The following RELN variants were observed in gnomAD, a reference collection of about 807,000 sequenced individuals.
The protein encoded by RELN is reelin.
RELN carries 108 observed loss-of-function variants against 427.6 expected under a neutral mutation model. The observed-to-expected ratio is 0.25, with a 90% CI of 0.22 to 0.30. The LOEUF (loss-of-function observed/expected upper bound fraction) is 0.30, where lower values mean the gene tolerates loss of function less well. Among genes scored for constraint, RELN ranks in the 10% least tolerant of loss-of-function variants. RELN has a pLI of 1.00. For synonymous variants in RELN, 1,524 were observed against 1,513.4 expected (o/e 1.01, Z -0.16); for missense variants, 3,715 against 4,302.8 (o/e 0.86, Z 3.82).
intron 13 of RELN, 87 bp downstream of exon 13, chr7:103,654,006 C>G (rs914017871): frequency 1.3e-6 from 1 of 793,156 alleles, no homozygotes; most frequent in African/African-American, 1.7e-5. Context: ...GTATCTTCTG[C>G]ATCTGGAGTG....
intron 62 of RELN, 81 bp from the exon 63 acceptor site, chr7:103,483,052 T>C (rs1368205175): frequency 8.6e-6 from 9 of 1,043,946 alleles, no homozygotes; most frequent in Non-Finnish European, 1.3e-5. Flanking sequence ...ATGTCAAATA[T>C]TATAATAGGC....
intron 2 of RELN, among the ~76,000 whole-genome samples, chr7:103,842,241 AAG>A (rs998263839): frequency 7.9e-5 from 12 of 151,980 alleles, no homozygotes; most frequent in African/African-American, 2.4e-4. Flanking sequence ...GGGATATCTA[AAG>A]GCTTCCATCA....
chr7:103,660,338 A>T (rs1833112005), intron 12 of RELN, among the ~76,000 whole-genome samples: 1 of 152,210 alleles, frequency 6.6e-6, no homozygotes, highest in African/African-American at 2.4e-5. Context: ...GCCTTTAAAT[A>T]GACAAACCAG....
Position 103,629,982 on chromosome 7 carries a change from A to G in RELN, c.2660T>C (p.Leu887Pro), listed in dbSNP as rs116033707. 1 of 1,613,764 alleles carries G rather than the reference A, an allele frequency of 6.2e-7. No homozygotes were observed. The highest frequency in any genetic ancestry group is 8.5e-7 in the Non-Finnish European group (1 of 1,179,710). Residue 887 changes from leucine (L) to proline (P), a missense_variant, in exon 20 of 65, where the codon CTT becomes CCT. By Grantham distance (98) the Leu-to-Pro change is moderately conservative (BLOSUM62 -3). Coordinates refer to ENST00000428762, the MANE Select transcript of RELN (RefSeq NM_005045.4). ...VEVTQSLGFY[L>P]GNVQPYCGHD... ...GCCACAGTATGGCTGAACATTTCCA[A>G]GGTAGAATCCCAGAGACTGAGTGAC...
chr7:103,572,347 C>A, intron 30 of RELN, 87 bp from the exon 31 acceptor site: 1 of 759,616 alleles, frequency 1.3e-6, no homozygotes, highest in South Asian at 1.4e-5. Flanking sequence ...GAAAAAAACC[C>A]TCCTGTATTT....
At chr7:103,635,645 T>C (rs1392301674) in intron 18 of RELN, 59 bp from the exon 19 acceptor site, 1 of 1,463,994 alleles carries the variant, frequency 6.8e-7, no homozygotes, top group East Asian at 2.3e-5. Context: ...ATAATGTTCA[T>C]TTTGGTCTTT....
At chr7:103,836,191 C>G (rs1244900777) in intron 2 of RELN, among the ~76,000 whole-genome samples, 2 of 151,946 alleles carry the variant, frequency 1.3e-5, no homozygotes, top group Non-Finnish European at 2.9e-5. Flanking sequence ...GGTTTTGGAC[C>G]ACAAGTGATC....
chr7:103,752,309 C>G (rs150364322), intron 5 of RELN, among the ~76,000 whole-genome samples: 1 of 152,292 alleles, frequency 6.6e-6, no homozygotes, highest in African/African-American at 2.4e-5. Context: ...ATCCTAACCA[C>G]TATATACCCT....
chr7:103,557,490 A>G (rs1435558724), intron 37 of RELN, among the ~76,000 whole-genome samples: 3 of 152,216 alleles, frequency 2.0e-5, no homozygotes, highest in African/African-American at 4.8e-5. Context: ...AAACATTTAA[A>G]TCTCAGGATA....
intron 41 of RELN, among the ~76,000 whole-genome samples, chr7:103,547,036 T>C (rs1447883023): frequency 6.6e-6 from 1 of 152,236 alleles, no homozygotes; most frequent in Non-Finnish European, 1.5e-5. Context: ...TATTTTATCA[T>C]GTGTAAAACT....
intron 2 of RELN, among the ~76,000 whole-genome samples, chr7:103,874,384 C>T (rs375734352): frequency 1.6e-5 from 2 of 127,808 alleles, no homozygotes; most frequent in Non-Finnish European, 3.5e-5. Flanking sequence ...AGGAAATAAA[C>T]GGTATTCAAT....
intron 2 of RELN, among the ~76,000 whole-genome samples, chr7:103,865,039 G>A (rs768478794): frequency 2.7e-5 from 4 of 149,362 alleles, no homozygotes; most frequent in African/African-American, 9.8e-5. Context: ...GCTGAGGTAG[G>A]AGAATTGTTT....
At chr7:103,835,547 G>A (rs1016756566) in intron 2 of RELN, among the ~76,000 whole-genome samples, 3 of 152,286 alleles carry the variant, frequency 2.0e-5, no homozygotes, top group African/African-American at 7.2e-5. Context: ...TGTGTGTAGG[G>A]ATAGTGGGTG....
At position 103,594,414 on chromosome 7, in the gene RELN, C is replaced by T. The variant is rs751614762; in HGVS notation, c.3618G>A (p.Gly1206=). Residue 1206 remains glycine (G), a synonymous_variant, in exon 26 of 65, where the codon GGG becomes GGA. Transcript: ENST00000428762. ...RFRWWQPVFS[G]EDYDQWAVDD... Reference sequence around the variant, plus strand: ...CGACTGCCCACTGGTCATAGTCCTCCCCTGAGAACACGGGCTGCCACCAGC... The same window carrying T: ...CGACTGCCCACTGGTCATAGTCCTCTCCTGAGAACACGGGCTGCCACCAGC... 3 of 1,614,044 alleles carry T rather than the reference C, an allele frequency of 1.9e-6. No homozygotes were observed. Among genetic ancestry groups the T allele is most frequent in the Non-Finnish European group, 1.7e-6 (2 of 1,179,938 alleles).
rs1049209702 is a variant in RELN, at chr7:103,572,543, A to AT, written c.4512-284dup. On this transcript the variant is annotated intron_variant, in intron 30 of 64. Transcript: ENST00000428762. ...TCATTGTGACAGTCTGTTATAATTT[A>AT]TTTTTTTTTTTGAGACGGAGTCTTG... Among the ~76,000 whole-genome samples the AT allele has an allele frequency of 0.023, 3,403 of 148,248 alleles. 129 individuals are homozygous for AT. The highest frequency in any genetic ancestry group is 0.076 in the African/African-American group (3,111 of 40,700).
At chr7:103,797,163 G>A (rs888797483) in intron 3 of RELN, among the ~76,000 whole-genome samples, 2 of 151,960 alleles carry the variant, frequency 1.3e-5, no homozygotes, top group African/African-American at 4.8e-5. Context: ...TTGGCTCACC[G>A]CAACCTCTGC....
At chr7:103,562,127 TC>T (rs1830657854) in intron 34 of RELN, among the ~76,000 whole-genome samples, 174 bp from the exon 35 acceptor site, 1 of 152,226 alleles carries the variant, frequency 6.6e-6, no homozygotes, top group Non-Finnish European at 1.5e-5. Flanking sequence ...TGCTGTTTTC[TC>T]TTGACTCATA....
At chr7:103,675,313 A>G (rs538695353) in intron 11 of RELN, among the ~76,000 whole-genome samples, 1 of 152,346 alleles carries the variant, frequency 6.6e-6, no homozygotes, top group African/African-American at 2.4e-5. Flanking sequence ...TAAAATACCT[A>G]GGAATCCAAC....
chr7:103,929,586 T>A (rs916751388), intron 1 of RELN, among the ~76,000 whole-genome samples: 1 of 152,192 alleles, frequency 6.6e-6, no homozygotes, highest in African/African-American at 2.4e-5. Flanking sequence ...TATTGTTGAT[T>A]CATTATAACA....
Sources: allele counts gnomAD v4.1 joint callset (sites outside exome capture counted in the v4.1 genomes callset), GRCh38; gene constraint gnomAD v4.1.1; transcripts MANE v1.5; gene names NCBI Gene and HGNC (gene_info 2026-07-23, HGNC 2026-07-21).